The following PLCXD3 variants were observed in gnomAD, a reference collection of about 807,000 sequenced individuals.
PLCXD3 encodes PI-PLC X domain-containing protein 3.
PLCXD3 carries 19 observed loss-of-function variants against 25.5 expected under a neutral mutation model. The observed-to-expected ratio is 0.75, with a 90% CI of 0.52 to 1.09. The LOEUF (loss-of-function observed/expected upper bound fraction) is 1.09, where lower values mean the gene tolerates loss of function less well. Among genes scored for constraint, PLCXD3 ranks in the 50% least tolerant of loss-of-function variants. The pLI is 0.00. For synonymous variants in PLCXD3, 174 were observed against 137.6 expected (o/e 1.26, Z -1.85); for missense variants, 411 against 388.1 (o/e 1.06, Z -0.50).
chr5:41,332,473 G>A (rs1336266242), intron 2 of PLCXD3, among the ~76,000 whole-genome samples: 8 of 152,126 alleles, frequency 5.3e-5, no homozygotes, highest in Admixed American at 5.2e-4. Context: ...TGGAGAAATA[G>A]GAACACTTTT....
At chr5:41,378,004 C>T (rs1745347629) in intron 2 of PLCXD3, among the ~76,000 whole-genome samples, 2 of 152,046 alleles carry the variant, frequency 1.3e-5, no homozygotes, top group African/African-American at 4.8e-5. Context: ...CCTTTTGGTG[C>T]CATCACAGGA....
chr5:41,336,190 A>C (rs6876855), intron 2 of PLCXD3, among the ~76,000 whole-genome samples: 2,934 of 152,262 alleles, frequency 0.019, 94 homozygotes, highest in African/African-American at 0.067. Context: ...GTACTACTTC[A>C]TAGTGTTTTT....
intron 1 of PLCXD3, among the ~76,000 whole-genome samples, chr5:41,437,990 C>T (rs754243698): frequency 3.3e-4 from 50 of 152,188 alleles, no homozygotes; most frequent in Non-Finnish European, 5.7e-4. Flanking sequence ...ATGTGTAATG[C>T]TTATCATTGG....
At chr5:41,493,130 T>C (rs564774542) in intron 1 of PLCXD3, among the ~76,000 whole-genome samples, 87 of 152,312 alleles carry the variant, frequency 5.7e-4, no homozygotes, top group South Asian at 1.2e-3. Context: ...CCTTTCTGTT[T>C]GTTAGTTTTC....
intron 1 of PLCXD3, among the ~76,000 whole-genome samples, chr5:41,467,050 T>G (rs753509395): frequency 9.2e-5 from 14 of 152,188 alleles, no homozygotes; most frequent in Non-Finnish European, 1.8e-4. Context: ...CATGTTGGTT[T>G]CAGTTTCTTT....
intron 1 of PLCXD3, among the ~76,000 whole-genome samples, chr5:41,454,878 G>A (rs1747718888): frequency 6.6e-6 from 1 of 151,930 alleles, no homozygotes; most frequent in East Asian, 1.9e-4. Context: ...AAGTTTAATT[G>A]ACTCACATTT....
chr5:41,499,194 A>G (rs566594801), intron 1 of PLCXD3, among the ~76,000 whole-genome samples: 1 of 151,712 alleles, frequency 6.6e-6, no homozygotes, highest in African/African-American at 2.4e-5. Context: ...ATGTATCTAA[A>G]TAGAAAAGGA....
intron 2 of PLCXD3, among the ~76,000 whole-genome samples, chr5:41,333,267 C>T (rs1056027564): frequency 2.6e-5 from 4 of 151,936 alleles, no homozygotes; most frequent in African/African-American, 9.7e-5. Flanking sequence ...CAACTGAGCC[C>T]CCACAGACCA....
chr5:41,441,195 T>C (rs1033955769), intron 1 of PLCXD3, among the ~76,000 whole-genome samples: 1 of 152,142 alleles, frequency 6.6e-6, no homozygotes, highest in Non-Finnish European at 1.5e-5. Flanking sequence ...AACCTGAAAA[T>C]ACAGTCTTAA....
intron 1 of PLCXD3, among the ~76,000 whole-genome samples, chr5:41,398,515 G>GA (rs1369456125): frequency 2.0e-5 from 3 of 152,072 alleles, no homozygotes; most frequent in East Asian, 3.9e-4. Flanking sequence ...AGCAATGTGA[G>GA]AAAAGACTAA....
At chr5:41,352,976 C>T (rs969831467) in intron 2 of PLCXD3, among the ~76,000 whole-genome samples, 1 of 152,140 alleles carries the variant, frequency 6.6e-6, no homozygotes, top group African/African-American at 2.4e-5. Context: ...TGATTTAAAG[C>T]CAGTGCCTAT....
intron 2 of PLCXD3, among the ~76,000 whole-genome samples, chr5:41,327,800 A>C (rs1186207392): frequency 2.6e-5 from 4 of 152,190 alleles, no homozygotes; most frequent in African/African-American, 9.6e-5. Flanking sequence ...TCTTTTCATT[A>C]GATGTTGGAT....
chr5:41,409,616 G>A (rs1453631302), intron 1 of PLCXD3, among the ~76,000 whole-genome samples: 1 of 152,024 alleles, frequency 6.6e-6, no homozygotes, highest in African/African-American at 2.4e-5. Context: ...TTATTTAGTT[G>A]CATATTTGCT....
intron 2 of PLCXD3, among the ~76,000 whole-genome samples, chr5:41,380,864 T>C (rs1022526154): frequency 1.3e-5 from 2 of 152,158 alleles, no homozygotes; most frequent in East Asian, 1.9e-4. Flanking sequence ...CAATTCAGTA[T>C]GTTGTGTCAC....
At chr5:41,484,238 G>A (rs566905022) in intron 1 of PLCXD3, among the ~76,000 whole-genome samples, 43 of 138,786 alleles carry the variant, frequency 3.1e-4, no homozygotes, top group African/African-American at 1.2e-3. Flanking sequence ...TTAAGATCCT[G>A]GAACATGCAC....
At chr5:41,359,377 C>T (rs1485269432) in intron 2 of PLCXD3, among the ~76,000 whole-genome samples, 2 of 151,992 alleles carry the variant, frequency 1.3e-5, no homozygotes. Flanking sequence ...TTTTTCATTA[C>T]CATTTCAACC....
chr5:41,409,199 T>G (rs1038870010), intron 1 of PLCXD3, among the ~76,000 whole-genome samples: 4 of 152,186 alleles, frequency 2.6e-5, no homozygotes, highest in Non-Finnish European at 5.9e-5. Flanking sequence ...TCTAGTTCTT[T>G]TCCTATTCAC....
intron 1 of PLCXD3, among the ~76,000 whole-genome samples, chr5:41,426,451 A>T (rs1026331150): frequency 6.6e-6 from 1 of 150,774 alleles, no homozygotes; most frequent in Non-Finnish European, 1.5e-5. Context: ...TGCCTGCTTT[A>T]TTTCTCTTTT....
At chr5:41,466,989 G>A (rs1002579260) in intron 1 of PLCXD3, among the ~76,000 whole-genome samples, 5 of 151,852 alleles carry the variant, frequency 3.3e-5, no homozygotes, top group Non-Finnish European at 5.9e-5. Context: ...CTATATCTTC[G>A]CTATTGTGAA....
Sources: allele counts gnomAD v4.1 joint callset (sites outside exome capture counted in the v4.1 genomes callset), GRCh38; gene constraint gnomAD v4.1.1; transcripts MANE v1.5; gene names NCBI Gene and HGNC (gene_info 2026-07-23, HGNC 2026-07-21).